The following DRC1 variants were observed in gnomAD, a reference collection of about 807,000 sequenced individuals.
DRC1 encodes dynein regulatory complex subunit 1.
Under a neutral mutation model 98.7 loss-of-function variants are expected in DRC1, and 74 were observed. The ratio of observed to expected loss-of-function variants is 0.75; its 90% CI spans 0.62 to 0.91. DRC1 has a LOEUF of 0.91. Among genes scored for constraint, DRC1 ranks in the 40% least tolerant of loss-of-function variants. The probability of loss-of-function intolerance (pLI) is 0.00; values close to 1 mark genes in which losing one functional copy is unlikely to be tolerated. For missense variants in DRC1, 875 were observed against 886.0 expected, an observed-to-expected ratio of 0.99 and a Z score of 0.16; for synonymous variants, 336 against 334.1, an observed-to-expected ratio of 1.01 and a Z score of -0.06.
chr2:26,418,181 C>T (rs1032852665), intron 2 of DRC1, among the ~76,000 whole-genome samples: 32 of 152,134 alleles, frequency 2.1e-4, no homozygotes, highest in African/African-American at 7.0e-4. Flanking sequence ...CAAAATTCCC[C>T]GTCCAAATGA....
At chr2:26,430,948 C>CTTT in intron 6 of DRC1, 76 bp downstream of exon 6, 1 of 731,792 alleles carries the variant, frequency 1.4e-6, no homozygotes, top group Non-Finnish European at 2.0e-6. Flanking sequence ...GCTAGCTAGC[C>CTTT]TTTTTCTATC....
At chr2:26,403,936 T>C (rs1043945795) in intron 1 of DRC1, among the ~76,000 whole-genome samples, 3 of 149,308 alleles carry the variant, frequency 2.0e-5, no homozygotes, top group Non-Finnish European at 4.5e-5. Flanking sequence ...CCTGTCTCTA[T>C]TAAAAATACA....
chr2:26,431,983 A>G lies in DRC1; in HGVS notation c.865A>G (p.Ile289Val). 1 of 1,614,176 alleles carries G rather than the reference A, an allele frequency of 6.2e-7. No homozygotes were observed. Among genetic ancestry groups the G allele is most frequent in the Non-Finnish European group, 8.5e-7 (1 of 1,180,004 alleles). ...WDCEEYNMIKIKLEQDVQILE... is the reference protein window; with the variant it reads ...WDCEEYNMIKVKLEQDVQILE... ...TTGCGAAGAATACAACATGATCAAG[A>G]TCAAGCTGGAGCAGGATGTGCAGGT... The change falls in exon 7 of 17, where the codon ATC (isoleucine) becomes GTC (valine). Residue 289 changes from isoleucine to valine, a missense_variant. Coordinates refer to ENST00000288710, the MANE Select transcript of DRC1 (RefSeq NM_145038.5).
intron 13 of DRC1, among the ~76,000 whole-genome samples, chr2:26,451,120 T>A (rs1050630291): frequency 6.6e-6 from 1 of 152,200 alleles, no homozygotes; most frequent in Admixed American, 6.5e-5. Context: ...GCGGGGCTTT[T>A]ATGTCAGGTA....
At chr2:26,444,683 C>T in intron 9 of DRC1, 33 bp from the exon 10 acceptor site, 1 of 1,598,592 alleles carries the variant, frequency 6.3e-7, no homozygotes, top group South Asian at 1.1e-5. Context: ...GTCCTGGGGC[C>T]AGCTGGCCAT....
chr2:26,430,949 T>A, intron 6 of DRC1, 77 bp downstream of exon 6: 25 of 1,118,874 alleles, frequency 2.2e-5, no homozygotes, highest in Non-Finnish European at 2.7e-5. Flanking sequence ...CTAGCTAGCC[T>A]TTTTCTATCT....
intron 8 of DRC1, among the ~76,000 whole-genome samples, chr2:26,441,795 C>T (rs554334820): frequency 6.6e-6 from 1 of 152,210 alleles, no homozygotes; most frequent in Admixed American, 6.5e-5. Flanking sequence ...GTGGAATCTT[C>T]CCTCTTATTT....
chr2:26,445,791 T>G (rs1456035751), intron 10 of DRC1, among the ~76,000 whole-genome samples: 1 of 152,062 alleles, frequency 6.6e-6, no homozygotes, highest in East Asian at 1.9e-4. Context: ...CCCGAGGAGC[T>G]GGGACTACAG....
In DRC1 at chr2:26,456,609, G is replaced by A. The variant is rs1572392004; in HGVS notation, c.*92G>A. The A allele has an allele frequency of 2.7e-6, 4 of 1,495,244 alleles. No homozygotes were observed. The highest frequency in any genetic ancestry group is 3.7e-6 in the Non-Finnish European group (4 of 1,080,344). The allele number at this position is 1,495,244 out of a possible 1,614,324, so 92.6% of individuals were successfully genotyped here. A position where few individuals can be genotyped will look rare whatever the true frequency, so the allele number is the denominator to read the frequency against. On this transcript the variant is annotated 3_prime_UTR_variant, in exon 17 of 17. Coordinates refer to ENST00000288710, the MANE Select transcript of DRC1 (RefSeq NM_145038.5). ...ATATCACCCACTGGGCCGCACCTGG[G>A]CCTGCTCTCTGGATTTTCCAGGGCT... is the stretch of plus-strand genomic sequence containing the variant.
intron 1 of DRC1, among the ~76,000 whole-genome samples, chr2:26,409,277 A>C (rs1456574498): frequency 5.3e-5 from 8 of 152,160 alleles, no homozygotes; most frequent in Non-Finnish European, 5.9e-5. Flanking sequence ...TCACACTATT[A>C]AAATTTATTT....
At chr2:26,445,710 T>G (rs1202114920) in intron 10 of DRC1, among the ~76,000 whole-genome samples, 2 of 151,998 alleles carry the variant, frequency 1.3e-5, no homozygotes, top group East Asian at 1.9e-4. Context: ...CCAGGCTGGA[T>G]TGCAGTGGCG....
intron 10 of DRC1, chr2:26,448,224 CAA>C (rs34461558): frequency 8.5e-3 from 2,534 of 298,826 alleles, no homozygotes; most frequent in East Asian, 0.021. Context: ...GACTCCATCT[CAA>C]AAAAAAAAAA....
At position 26,402,060 on chromosome 2, in the gene DRC1, C is replaced by T. The variant is rs770464153; in HGVS notation, c.71C>T (p.Ala24Val). ...VDEHLSTQIL[A>V]PSVHSDNSQE... ...GAGCACTTGTCCACCCAGATTCTCG[C>T]GCCCTCGGTCCACTCCGACAACTCT... The change falls in exon 1 of 17, where the codon GCG becomes GTG. Residue 24 changes from alanine (A) to valine (V), a missense_variant. Transcript: ENST00000288710. The T allele has an allele frequency of 6.2e-7, 1 of 1,613,406 alleles. No homozygotes were observed. Among genetic ancestry groups the T allele is most frequent in the Non-Finnish European group, 8.5e-7 (1 of 1,179,828 alleles).
intron 2 of DRC1, among the ~76,000 whole-genome samples, chr2:26,419,433 A>G (rs1264721330): frequency 6.6e-6 from 1 of 152,206 alleles, no homozygotes; most frequent in East Asian, 1.9e-4. Context: ...TGATGTTCAC[A>G]TTGAGTAGAA....
chr2:26,417,749 T>C lies in DRC1; in HGVS notation c.243+3318T>C, dbSNP rs535764790. Among the ~76,000 whole-genome samples, 3 of 152,330 alleles carry C rather than the reference T, an allele frequency of 2.0e-5. No individual in the cohort carries two copies. In the South Asian group the frequency reaches 6.2e-4, roughly 32 times the overall value. The stretch of plus-strand genomic sequence containing the variant: ...TAATCCATGGGAGGTATTCTTTAAT[T>C]TGGCTCAGCAATGTTTTGTACTTTT... On this transcript the variant is annotated intron_variant, in intron 2 of 16. Coordinates refer to ENST00000288710, the MANE Select transcript of DRC1 (RefSeq NM_145038.5).
chr2:26,455,749 G>A (rs1664141226), intron 16 of DRC1, among the ~76,000 whole-genome samples: 1 of 152,256 alleles, frequency 6.6e-6, no homozygotes, highest in South Asian at 2.1e-4. Context: ...GGGGAAGGAG[G>A]CTCTGCTGGG....
chr2:26,418,619 TAA>T (rs1678914809), intron 2 of DRC1, among the ~76,000 whole-genome samples: 4 of 92,866 alleles, frequency 4.3e-5, no homozygotes, highest in African/African-American at 2.3e-4. Context: ...AAATTATATA[TAA>T]TATAAATTAT....
At chr2:26,422,380 C>A (rs1663169683) in intron 3 of DRC1, among the ~76,000 whole-genome samples, 1 of 152,142 alleles carries the variant, frequency 6.6e-6, no homozygotes, top group Non-Finnish European at 1.5e-5. Flanking sequence ...TTGAGGGCTC[C>A]ATGCATAGAA....
intron 7 of DRC1, among the ~76,000 whole-genome samples, chr2:26,438,805 A>G (rs1489978630): frequency 6.6e-6 from 1 of 152,156 alleles, no homozygotes; most frequent in Non-Finnish European, 1.5e-5. Context: ...GTAGTCCAGC[A>G]GAGGGAGATG....
Sources: gnomAD v4.1 joint callset for allele counts (sites outside exome capture counted in the v4.1 genomes callset) on GRCh38, gnomAD v4.1.1 for gene constraint, MANE v1.5 for transcripts, NCBI Gene and HGNC (gene_info 2026-07-23, HGNC 2026-07-21) for gene names.